Variants in IL1RAPL1 observed in about 807,000 individuals in gnomAD.
The protein encoded by IL1RAPL1 is interleukin 1 receptor accessory protein like 1, also known as interleukin-1 receptor accessory protein-like 1.
A neutral mutation model predicts 48.4 loss-of-function variants in IL1RAPL1; 3 were observed. That is an observed-to-expected ratio of 0.06 (90% CI 0.03 to 0.16). The LOEUF is 0.16. Ranked by LOEUF, IL1RAPL1 falls within the 10% of genes least tolerant of loss-of-function variation. The pLI is 1.00. For missense variants in IL1RAPL1, 349 were observed against 530.6 expected (o/e 0.66, Z 3.36); for synonymous variants, 185 against 187.7 (o/e 0.99, Z 0.12).
intron 2 of IL1RAPL1, among the ~76,000 whole-genome samples, chrX:29,200,566 G>A (rs191804721): frequency 9.0e-6 from 1 of 111,206 alleles, no homozygotes; most frequent in East Asian, 2.8e-4. Flanking sequence ...ACAGTGGAAC[G>A]TTTGCAGGTA....
At position 29,329,214 on chromosome X, in the gene IL1RAPL1, C is replaced by A. The variant is rs1282816490; in HGVS notation, c.362+45997C>A. On this transcript the variant is annotated intron_variant, in intron 3 of 10. Coordinates refer to ENST00000378993, the MANE Select transcript of IL1RAPL1 (RefSeq NM_014271.4). Reference sequence around the variant, plus strand: ...ACAAATGATACAGAGAAACAGTAGTCTCTTTTTTCTTCTGTCCGTCTATAT... The same window carrying A: ...ACAAATGATACAGAGAAACAGTAGTATCTTTTTTCTTCTGTCCGTCTATAT... Among the ~76,000 whole-genome samples, 4 of 111,347 alleles carry A rather than the reference C, an allele frequency of 3.6e-5. No homozygotes were observed. The Admixed American group carries it at 3.8e-4, about 11-fold the overall frequency.
chrX:28,953,954 G>C (rs980394425), intron 2 of IL1RAPL1, among the ~76,000 whole-genome samples: 1 of 111,321 alleles, frequency 9.0e-6, no homozygotes, highest in African/African-American at 3.3e-5. Flanking sequence ...TCATTAAGGA[G>C]AGGTTGAATT....
chrX:29,099,193 T>C (rs925695312), intron 2 of IL1RAPL1, among the ~76,000 whole-genome samples: 18 of 111,626 alleles, frequency 1.6e-4, no homozygotes, highest in Non-Finnish European at 3.2e-4. Flanking sequence ...TAACGTATGA[T>C]GGTATTAGCT....
At position 29,917,575 on chromosome X, in the gene IL1RAPL1, G is replaced by A; in HGVS notation, c.890G>A (p.Arg297Gln). Residue 297 changes from arginine to glutamine, a missense_variant, in exon 7 of 11, where the codon CGA (arginine) becomes CAA (glutamine). By Grantham distance (43) the Arg-to-Gln change is conservative. Coordinates refer to ENST00000378993, the MANE Select transcript of IL1RAPL1 (RefSeq NM_014271.4). ...EKFIEDLDEN[R>Q]VWESDIRILK... ...TTTATTGAAGATCTGGATGAAAATCGAGTTTGGGAAAGTGACATTAGGTAA... is the reference window on the plus strand; with the variant it reads ...TTTATTGAAGATCTGGATGAAAATCAAGTTTGGGAAAGTGACATTAGGTAA... The A allele has an allele frequency of 1.7e-6, 2 of 1,208,842 alleles. No homozygotes were observed. Among genetic ancestry groups the A allele is most frequent in the Non-Finnish European group, 2.2e-6 (2 of 893,179 alleles).
intron 2 of IL1RAPL1, among the ~76,000 whole-genome samples, chrX:29,042,220 G>A (rs1926863146): frequency 9.0e-6 from 1 of 111,695 alleles, no homozygotes; most frequent in Admixed American, 9.5e-5. Context: ...AATGAATTTG[G>A]TAACTAAGAC....
intron 1 of IL1RAPL1, among the ~76,000 whole-genome samples, chrX:28,737,116 T>TCCTC (rs1264327549): frequency 1.4e-3 from 14 of 9,900 alleles, no homozygotes; most frequent in African/African-American, 4.4e-3. Context: ...TCTCTTCTTT[T>TCCTC]CCTTCCTTCC....
chrX:29,107,001 A>C (rs1203701666), intron 2 of IL1RAPL1, among the ~76,000 whole-genome samples: 1 of 112,015 alleles, frequency 8.9e-6, no homozygotes, highest in African/African-American at 3.2e-5. Flanking sequence ...ACATGTATAA[A>C]GATGACCTCT....
chrX:29,593,115 G>T, intron 5 of IL1RAPL1, among the ~76,000 whole-genome samples: 1 of 111,818 alleles, frequency 8.9e-6, no homozygotes, highest in Non-Finnish European at 1.9e-5. Context: ...CCCCAGCCAT[G>T]GTGTTTGCTA....
chrX:29,934,166 T>C (rs760529785), intron 8 of IL1RAPL1, among the ~76,000 whole-genome samples: 2 of 112,013 alleles, frequency 1.8e-5, no homozygotes, highest in Admixed American at 1.9e-4. Flanking sequence ...TGGGTTTTGG[T>C]AAATGAAGAA....
chrX:29,224,961 C>T (rs1170088764), intron 2 of IL1RAPL1, among the ~76,000 whole-genome samples: 2 of 112,108 alleles, frequency 1.8e-5, no homozygotes, highest in East Asian at 5.6e-4. Flanking sequence ...TGATTGTTGC[C>T]TGCATGACCA....
chrX:29,139,431 CT>C (rs1249458310), intron 2 of IL1RAPL1, among the ~76,000 whole-genome samples: 4 of 111,130 alleles, frequency 3.6e-5, no homozygotes, highest in African/African-American at 9.8e-5. Context: ...TCTGAGCACT[CT>C]TTTTTTCTTC....
At chrX:29,887,054 T>C (rs907149598) in intron 6 of IL1RAPL1, among the ~76,000 whole-genome samples, 1 of 111,904 alleles carries the variant, frequency 8.9e-6, no homozygotes, top group Non-Finnish European at 1.9e-5. Flanking sequence ...CATTCTGCAA[T>C]AAATATCATT....
chrX:28,965,836 A>G lies in IL1RAPL1; in HGVS notation c.82+176411A>G, dbSNP rs142328596. Among the ~76,000 whole-genome samples the G allele has an allele frequency of 2.2e-3, 247 of 111,927 alleles. 8 individuals carry two copies. In the East Asian group the frequency reaches 0.062, roughly 28 times the overall value. On this transcript the variant is annotated intron_variant, in intron 2 of 10. Transcript: ENST00000378993. ...CATAAAGAGTGCTGTTAGAAATACAATTTTCTCGTGACGAATGATGTAAAA... is the reference window on the plus strand; with the variant it reads ...CATAAAGAGTGCTGTTAGAAATACAGTTTTCTCGTGACGAATGATGTAAAA...
At chrX:29,100,326 C>T in intron 2 of IL1RAPL1, among the ~76,000 whole-genome samples, 1 of 112,276 alleles carries the variant, frequency 8.9e-6, no homozygotes, top group Non-Finnish European at 1.9e-5. Flanking sequence ...GAAATCTCCA[C>T]TTCACAATGT....
intron 1 of IL1RAPL1, among the ~76,000 whole-genome samples, chrX:28,625,101 A>C (rs1220142988): frequency 1.8e-5 from 2 of 111,639 alleles, no homozygotes; most frequent in African/African-American, 6.5e-5. Flanking sequence ...ATTAATGATA[A>C]AAAGGAGTGG....
At chrX:28,785,818 C>A (rs1257073188) in intron 1 of IL1RAPL1, among the ~76,000 whole-genome samples, 1 of 111,935 alleles carries the variant, frequency 8.9e-6, no homozygotes, top group Non-Finnish European at 1.9e-5. Context: ...GTTTGTGAGC[C>A]TTTTTGATTA....
At chrX:29,456,482 A>G (rs1381741016) in intron 5 of IL1RAPL1, among the ~76,000 whole-genome samples, 3 of 111,844 alleles carry the variant, frequency 2.7e-5, no homozygotes, top group Non-Finnish European at 5.6e-5. Context: ...TCCAGTAGGC[A>G]TTTGCCAGTC....
chrX:29,125,028 A>G (rs1928871245), intron 2 of IL1RAPL1, among the ~76,000 whole-genome samples: 1 of 112,529 alleles, frequency 8.9e-6, no homozygotes, highest in African/African-American at 3.2e-5. Flanking sequence ...TAGAGAAGAC[A>G]GGGAAAGAGG....
At chrX:28,975,165 T>A (rs1925173792) in intron 2 of IL1RAPL1, among the ~76,000 whole-genome samples, 1 of 112,173 alleles carries the variant, frequency 8.9e-6, no homozygotes, top group African/African-American at 3.2e-5. Context: ...AGAATCACCA[T>A]ATGATTCAGC....
Sources: gnomAD v4.1 joint callset for allele counts (sites outside exome capture counted in the v4.1 genomes callset) on GRCh38, gnomAD v4.1.1 for gene constraint, MANE v1.5 for transcripts, NCBI Gene and HGNC (gene_info 2026-07-23, HGNC 2026-07-21) for gene names.